The following ADAMTSL3 variants were observed in gnomAD, a reference collection of about 807,000 sequenced individuals.
The protein encoded by ADAMTSL3 is ADAMTS-like protein 3.
ADAMTSL3 carries 128 observed loss-of-function variants against 201.7 expected under a neutral mutation model. The ratio of observed to expected loss-of-function variants is 0.63; its 90% CI spans 0.55 to 0.73. The LOEUF (loss-of-function observed/expected upper bound fraction) is 0.73. ADAMTSL3 is among the 30% of genes least tolerant of loss of function. The probability of loss-of-function intolerance (pLI) is 0.00; values close to 1 mark genes in which losing one functional copy is unlikely to be tolerated. For missense variants in ADAMTSL3, 1,990 were observed against 2,119.6 expected (o/e 0.94, Z 1.20); for synonymous variants, 738 against 748.4 (o/e 0.99, Z 0.23).
chr15:83,749,854 A>G (rs1166410448), intron 3 of ADAMTSL3, among the ~76,000 whole-genome samples: 1 of 152,206 alleles, frequency 6.6e-6, no homozygotes, highest in Non-Finnish European at 1.5e-5. Context: ...TTTGTCATTG[A>G]CTTGACTGTG....
chr15:83,784,422 C>T (rs2063226621), intron 4 of ADAMTSL3, among the ~76,000 whole-genome samples: 1 of 152,150 alleles, frequency 6.6e-6, no homozygotes, highest in East Asian at 1.9e-4. Context: ...TTCAGTCTTG[C>T]TTACCCTATG....
In ADAMTSL3 at chr15:83,982,714, C is replaced by T. The variant is rs1260172579; in HGVS notation, c.3086C>T (p.Thr1029Ile). 3 of 1,614,062 alleles carry T rather than the reference C, an allele frequency of 1.9e-6. No homozygotes were observed. In the South Asian group the frequency reaches 3.3e-5, roughly 18 times the overall value. Reference sequence around the variant, plus strand: ...AGCGAAGCCAATAGTTTGGGAGTCACATGGCACAAAATGAGGCAAATGTGG... The same window carrying T: ...AGCGAAGCCAATAGTTTGGGAGTCATATGGCACAAAATGAGGCAAATGTGG... ...DHSEANSLGVTWHKMRQMWNN... is the reference protein window; with the variant it reads ...DHSEANSLGVIWHKMRQMWNN... The change falls in exon 21 of 30, where the codon ACA (threonine) becomes ATA (isoleucine). Residue 1029 changes from threonine to isoleucine, a missense_variant. Coordinates refer to ENST00000286744, the MANE Select transcript of ADAMTSL3 (RefSeq NM_207517.3).
chr15:83,850,564 C>T (rs1291758651), intron 7 of ADAMTSL3, among the ~76,000 whole-genome samples: 1 of 151,274 alleles, frequency 6.6e-6, no homozygotes, highest in Non-Finnish European at 1.5e-5. Context: ...CAGCTACGAC[C>T]CTAATTTTTC....
intron 8 of ADAMTSL3, among the ~76,000 whole-genome samples, chr15:83,863,543 A>G (rs2064911034): frequency 6.6e-6 from 1 of 152,260 alleles, no homozygotes; most frequent in South Asian, 2.1e-4. Context: ...GAAGGCAGAA[A>G]TAAAGATGTT....
intron 16 of ADAMTSL3, among the ~76,000 whole-genome samples, chr15:83,915,527 G>A (rs963605458): frequency 2.0e-5 from 3 of 150,874 alleles, no homozygotes; most frequent in Admixed American, 6.6e-5. Flanking sequence ...CAGCTTTATC[G>A]AGATAGAATG....
chr15:83,821,727 C>T (rs1315877808), intron 6 of ADAMTSL3, among the ~76,000 whole-genome samples: 1 of 152,270 alleles, frequency 6.6e-6, no homozygotes, highest in African/African-American at 2.4e-5. Flanking sequence ...CCGCCGTTGT[C>T]GTCATGGCCC....
intron 20 of ADAMTSL3, among the ~76,000 whole-genome samples, chr15:83,970,867 G>C (rs1228132615): frequency 6.6e-6 from 1 of 152,166 alleles, no homozygotes; most frequent in African/African-American, 2.4e-5. Flanking sequence ...CATCTTTTAG[G>C]CTTCCTCATT....
At chr15:84,009,144 A>T (rs2067959211) in intron 23 of ADAMTSL3, among the ~76,000 whole-genome samples, 1 of 152,174 alleles carries the variant, frequency 6.6e-6, no homozygotes, top group African/African-American at 2.4e-5. Flanking sequence ...TAGAAACACA[A>T]GTCAGCTCAT....
chr15:83,920,548 G>A (rs747421062), intron 16 of ADAMTSL3, among the ~76,000 whole-genome samples: 58 of 152,286 alleles, frequency 3.8e-4, no homozygotes, highest in Middle Eastern at 3.4e-3. Context: ...GGACTTTACA[G>A]TAGTACCCCT....
intron 16 of ADAMTSL3, among the ~76,000 whole-genome samples, chr15:83,915,210 T>C (rs1233527720): frequency 2.0e-5 from 3 of 152,170 alleles, no homozygotes; most frequent in Non-Finnish European, 2.9e-5. Flanking sequence ...CTCAAGCTTT[T>C]AGGTGCTGTT....
chr15:83,675,122 C>G lies in ADAMTSL3; in HGVS notation c.69+19292C>G, dbSNP rs560831215. On this transcript the variant is annotated intron_variant, in intron 2 of 29. Coordinates refer to ENST00000286744, the MANE Select transcript of ADAMTSL3 (RefSeq NM_207517.3). Reference sequence around the variant, plus strand: ...CTTGCAACCTTTCTGAAATCATATACTGGTTCTAGGAAGGGTTCTTTTTTA... The same window carrying G: ...CTTGCAACCTTTCTGAAATCATATAGTGGTTCTAGGAAGGGTTCTTTTTTA... Among the ~76,000 whole-genome samples the G allele has an allele frequency of 1.5e-3, 228 of 151,948 alleles. 1 individual carries two copies. Among genetic ancestry groups the G allele is most frequent in the African/African-American group, 5.3e-3 (220 of 41,468 alleles).
chr15:83,808,462 C>T (rs1220781743), intron 5 of ADAMTSL3, among the ~76,000 whole-genome samples: 1 of 152,052 alleles, frequency 6.6e-6, no homozygotes, highest in African/African-American at 2.4e-5. Flanking sequence ...TGATTATTAT[C>T]ACAAAGACAA....
intron 3 of ADAMTSL3, among the ~76,000 whole-genome samples, chr15:83,716,123 G>T (rs1227249377): frequency 1.3e-5 from 2 of 152,140 alleles, no homozygotes; most frequent in Non-Finnish European, 2.9e-5. Context: ...CCATGGACAT[G>T]GAATAGCTAG....
At chr15:83,659,020 G>A (rs1400671287) in intron 2 of ADAMTSL3, among the ~76,000 whole-genome samples, 1 of 152,314 alleles carries the variant, frequency 6.6e-6, no homozygotes, top group Non-Finnish European at 1.5e-5. Context: ...AAACAACCAT[G>A]TCAAGATGGC....
At chr15:83,757,025 G>C (rs1490038481) in intron 3 of ADAMTSL3, among the ~76,000 whole-genome samples, 5 of 152,194 alleles carry the variant, frequency 3.3e-5, no homozygotes, top group Non-Finnish European at 7.3e-5. Context: ...CCCCTCTCCT[G>C]GCTGCTTTCA....
intron 2 of ADAMTSL3, among the ~76,000 whole-genome samples, chr15:83,660,227 C>G (rs1026370838): frequency 6.6e-6 from 1 of 152,138 alleles, no homozygotes; most frequent in Non-Finnish European, 1.5e-5. Context: ...GTGGCTTAGT[C>G]CAGGCCTCTT....
At chr15:83,733,670 G>T (rs2062320499) in intron 3 of ADAMTSL3, among the ~76,000 whole-genome samples, 1 of 152,096 alleles carries the variant, frequency 6.6e-6, no homozygotes, top group Non-Finnish European at 1.5e-5. Flanking sequence ...TTTGAAGGAA[G>T]CTCTCTCATT....
intron 28 of ADAMTSL3, among the ~76,000 whole-genome samples, chr15:84,032,052 A>C (rs777938922): frequency 6.6e-6 from 1 of 152,150 alleles, no homozygotes; most frequent in African/African-American, 2.4e-5. Flanking sequence ...AGCCAGCAGA[A>C]AGTGGGGAGA....
At chr15:83,820,672 G>A (rs1427215071) in intron 6 of ADAMTSL3, among the ~76,000 whole-genome samples, 1 of 152,198 alleles carries the variant, frequency 6.6e-6, no homozygotes, top group Non-Finnish European at 1.5e-5. Flanking sequence ...TTTATTTACT[G>A]AAAACTAACA....
Sources: allele counts gnomAD v4.1 joint callset (sites outside exome capture counted in the v4.1 genomes callset), GRCh38; gene constraint gnomAD v4.1.1; transcripts MANE v1.5; gene names NCBI Gene and HGNC (gene_info 2026-07-23, HGNC 2026-07-21).